Variants in SRGAP3 observed in about 807,000 individuals in gnomAD.
SRGAP3 encodes SLIT-ROBO Rho GTPase activating protein 3.
A neutral mutation model predicts 121.1 loss-of-function variants in SRGAP3; 39 were observed. The observed-to-expected ratio is 0.32, with a 90% confidence interval of 0.25 to 0.42. The LOEUF is 0.42. Among genes scored for constraint, SRGAP3 ranks in the 10% least tolerant of loss-of-function variants. The probability of loss-of-function intolerance (pLI) is 1.00; values close to 1 mark genes in which losing one functional copy is unlikely to be tolerated. For missense variants in SRGAP3, 1,213 were observed against 1,470.6 expected (o/e 0.82, Z 2.86); for synonymous variants, 601 against 570.0 (o/e 1.05, Z -0.77).
At chr3:9,186,871 C>T (rs1475171203) in intron 1 of SRGAP3, among the ~76,000 whole-genome samples, 2 of 152,166 alleles carry the variant, frequency 1.3e-5, no homozygotes, top group Non-Finnish European at 2.9e-5. Context: ...TCAGCAGCAC[C>T]AAAGCAAGGT....
chr3:9,253,843 C>T (rs1037657371), upstream of SRGAP3, among the ~76,000 whole-genome samples: 2 of 152,110 alleles, frequency 1.3e-5, no homozygotes, highest in Admixed American at 6.5e-5. Flanking sequence ...TGGGAGGGGA[C>T]GGAATGGCAA....
intron 1 of SRGAP3, among the ~76,000 whole-genome samples, chr3:9,179,176 G>A (rs1301145265): frequency 6.6e-6 from 1 of 152,204 alleles, no homozygotes; most frequent in Non-Finnish European, 1.5e-5. Context: ...GTTGGGAGGA[G>A]GACTGACTCC....
intron 2 of SRGAP3, among the ~76,000 whole-genome samples, chr3:9,124,102 A>T (rs1460187579): frequency 1.3e-5 from 2 of 152,172 alleles, no homozygotes; most frequent in Admixed American, 1.3e-4. Flanking sequence ...AGGATTCAGG[A>T]CCTGCCAAGT....
At chr3:9,174,580 A>G (rs76862474) in intron 1 of SRGAP3, among the ~76,000 whole-genome samples, 224 of 152,326 alleles carry the variant, frequency 1.5e-3, no homozygotes, top group African/African-American at 4.9e-3. Context: ...TGAAGGCGTC[A>G]TATTGATCAT....
intron 1 of SRGAP3, among the ~76,000 whole-genome samples, chr3:9,211,317 G>A (rs1470180075): frequency 2.0e-5 from 3 of 152,136 alleles, no homozygotes; most frequent in Non-Finnish European, 4.4e-5. Flanking sequence ...CATTCTCCCA[G>A]CTCCACCGCA....
chr3:9,240,881 G>C (rs1953610345), intron 1 of SRGAP3, among the ~76,000 whole-genome samples: 1 of 152,176 alleles, frequency 6.6e-6, no homozygotes, highest in African/African-American at 2.4e-5. Context: ...GGGTGGGATT[G>C]AAGGGATCTG....
intron 7 of SRGAP3, among the ~76,000 whole-genome samples, chr3:9,057,802 A>G (rs542052615): frequency 6.6e-6 from 1 of 152,318 alleles, no homozygotes; most frequent in South Asian, 2.1e-4. Context: ...CAAGGATCTG[A>G]GCAGCACAAG....
chr3:9,322,667 G>A (rs1277465476), intron 3 of SRGAP3, among the ~76,000 whole-genome samples: 1 of 151,872 alleles, frequency 6.6e-6, no homozygotes, highest in Non-Finnish European at 1.5e-5. Flanking sequence ...ATGATCTGGG[G>A]TGGAACAGCT....
intron 1 of SRGAP3, among the ~76,000 whole-genome samples, chr3:9,172,302 C>T (rs891531545): frequency 1.3e-5 from 2 of 151,862 alleles, no homozygotes; most frequent in African/African-American, 4.8e-5. Flanking sequence ...AGGGTCTTAC[C>T]ATGTTTCCCA....
chr3:9,015,838 A>G, intron 14 of SRGAP3, 107 bp from the exon 15 acceptor site: 2 of 1,386,182 alleles, frequency 1.4e-6, no homozygotes, highest in South Asian at 2.3e-5. Flanking sequence ...CAGGAAAGGC[A>G]GATGGGAAAA....
chr3:9,054,315 C>T (rs1216713803), intron 8 of SRGAP3, among the ~76,000 whole-genome samples: 3 of 152,192 alleles, frequency 2.0e-5, no homozygotes, highest in African/African-American at 7.2e-5. Context: ...CATTTACAGC[C>T]TATCCTCTGA....
intron 1 of SRGAP3, among the ~76,000 whole-genome samples, chr3:9,147,647 T>C (rs1300960414): frequency 6.6e-6 from 1 of 152,112 alleles, no homozygotes; most frequent in East Asian, 1.9e-4. Flanking sequence ...GGCAGAATGA[T>C]TCATGAGAGA....
chr3:9,254,195 C>A (rs1345383780), upstream of SRGAP3, among the ~76,000 whole-genome samples: 1 of 152,098 alleles, frequency 6.6e-6, no homozygotes, highest in African/African-American at 2.4e-5. Context: ...ATAGAAACAA[C>A]CCAAATGTTG....
chr3:9,202,171 C>A (rs1286189353), intron 1 of SRGAP3, among the ~76,000 whole-genome samples: 1 of 152,172 alleles, frequency 6.6e-6, no homozygotes, highest in Non-Finnish European at 1.5e-5. Context: ...TGAAGATGAC[C>A]AGACTAAGTC....
upstream of SRGAP3, among the ~76,000 whole-genome samples, chr3:9,252,957 TC>T (rs1434528474): frequency 6.6e-6 from 1 of 152,108 alleles, no homozygotes; most frequent in East Asian, 1.9e-4. Context: ...TCCTTGGGGC[TC>T]ATCTCCTGAA....
intron 3 of SRGAP3, chr3:9,293,293 T>C (rs1378086134): frequency 9.2e-5 from 14 of 152,186 alleles, no homozygotes; most frequent in Non-Finnish European, 1.5e-5. Context: ...CAGGAGATGA[T>C]TCCATTTGAT....
intron 1 of SRGAP3, among the ~76,000 whole-genome samples, chr3:9,180,930 A>G (rs1052942015): frequency 1.3e-5 from 2 of 152,148 alleles, no homozygotes; most frequent in African/African-American, 4.8e-5. Flanking sequence ...GTCTCACCAG[A>G]AAGTCCAGCC....
chr3:9,288,119 AT>A (rs1231675914), intron 3 of SRGAP3, among the ~76,000 whole-genome samples: 1 of 140,620 alleles, frequency 7.1e-6, no homozygotes, highest in Non-Finnish European at 1.5e-5. Flanking sequence ...GAATTGTTTC[AT>A]TCTATCTTTG....
At chr3:9,258,113 G>C (rs1954174451) in intron 3 of SRGAP3, among the ~76,000 whole-genome samples, 1 of 152,178 alleles carries the variant, frequency 6.6e-6, no homozygotes, top group South Asian at 2.1e-4. Context: ...TTTAATGGAA[G>C]AGACTGGTAA....
Sources: gnomAD v4.1 joint callset for allele counts (sites outside exome capture counted in the v4.1 genomes callset) on GRCh38, gnomAD v4.1.1 for gene constraint, MANE v1.5 for transcripts, NCBI Gene and HGNC (gene_info 2026-07-23, HGNC 2026-07-21) for gene names.